The following VTI1A variants were observed in gnomAD, a reference collection of about 807,000 sequenced individuals.
VTI1A encodes the protein vesicle transport through interaction with t-SNAREs homolog 1A.
A neutral mutation model predicts 34.9 loss-of-function variants in VTI1A; 22 were observed. The observed-to-expected ratio is 0.63, with a 90% confidence interval of 0.45 to 0.90. The LOEUF (loss-of-function observed/expected upper bound fraction) is 0.90. VTI1A is among the 40% of genes least tolerant of loss of function. The probability of loss-of-function intolerance (pLI) is 0.00; values close to 1 mark genes in which losing one functional copy is unlikely to be tolerated. For synonymous variants in VTI1A, 87 were observed against 97.3 expected (o/e 0.89, Z 0.62); for missense variants, 268 against 275.6 (o/e 0.97, Z 0.20).
At chr10:112,711,917 T>G (rs1849430702) in intron 7 of VTI1A, among the ~76,000 whole-genome samples, 1 of 152,346 alleles carries the variant, frequency 6.6e-6, no homozygotes, top group East Asian at 1.9e-4. Context: ...TATCTTAATC[T>G]GTTCTCTGTC....
chr10:112,524,391 AT>A (rs1850144165), intron 3 of VTI1A, among the ~76,000 whole-genome samples: 1 of 152,110 alleles, frequency 6.6e-6, no homozygotes, highest in African/African-American at 2.4e-5. Context: ...TCGTCTTTTC[AT>A]TCTTTAGGAA....
the VTI1A span, among the ~76,000 whole-genome samples, chr10:112,844,723 A>C: frequency 6.6e-6 from 1 of 152,208 alleles, no homozygotes; most frequent in Admixed American, 6.5e-5. Flanking sequence ...ATAATTGAAA[A>C]TCACATTGAA....
rs199838114 is a variant in VTI1A at position 112,643,164 on chromosome 10, C to T, written c.428-25054C>T. Among the ~76,000 whole-genome samples, 271 of 126,446 alleles carry T rather than the reference C, an allele frequency of 2.1e-3. 1 individual carries two copies. The highest frequency in any genetic ancestry group is 4.9e-3 in the African/African-American group (163 of 33,168). The allele number at this position is 126,446 out of a possible 152,430, so 83.0% of individuals were successfully genotyped here. ...CACACCTGGCTAATTTTTTTTTTTTCTTTTTTTTTTTTTGTAGAGACAGAG... is the reference window on the plus strand; with the variant it reads ...CACACCTGGCTAATTTTTTTTTTTTTTTTTTTTTTTTTTGTAGAGACAGAG... On this transcript the variant is annotated intron_variant, in intron 5 of 7. Coordinates refer to ENST00000393077, the MANE Select transcript of VTI1A (RefSeq NM_145206.4).
chr10:112,566,832 A>T (rs145120648), intron 5 of VTI1A, among the ~76,000 whole-genome samples: 11 of 152,278 alleles, frequency 7.2e-5, no homozygotes, highest in African/African-American at 2.6e-4. Context: ...GGAAGGGTTT[A>T]TAGAAAGTAT....
intron 5 of VTI1A, among the ~76,000 whole-genome samples, chr10:112,585,061 G>C (rs761660628): frequency 3.3e-5 from 5 of 152,172 alleles, no homozygotes; most frequent in African/African-American, 7.2e-5. Context: ...ACACAAACTA[G>C]CTTCTTTAAT....
At chr10:112,644,701 T>C (rs1846704793) in intron 5 of VTI1A, among the ~76,000 whole-genome samples, 1 of 152,192 alleles carries the variant, frequency 6.6e-6, no homozygotes, top group Admixed American at 6.5e-5. Flanking sequence ...TGTAGTGTAG[T>C]CATTACATTT....
At chr10:112,779,142 T>C (rs1442428989) in intron 7 of VTI1A, among the ~76,000 whole-genome samples, 1 of 152,204 alleles carries the variant, frequency 6.6e-6, no homozygotes, top group Non-Finnish European at 1.5e-5. Context: ...TTTTGAGTGA[T>C]ATTACCAATA....
chr10:112,724,522 C>T (rs935613184), intron 7 of VTI1A, among the ~76,000 whole-genome samples: 1 of 151,954 alleles, frequency 6.6e-6, no homozygotes, highest in African/African-American at 2.4e-5. Flanking sequence ...CAGAAAGCTG[C>T]CCTGACCTCT....
chr10:112,636,963 A>T (rs1209460877), intron 5 of VTI1A, among the ~76,000 whole-genome samples: 1 of 152,320 alleles, frequency 6.6e-6, no homozygotes, highest in East Asian at 1.9e-4. Context: ...CACATTTCTT[A>T]TGTATCAGAA....
intron 7 of VTI1A, chr10:112,737,568 G>A (rs1850534185): frequency 2.9e-6 from 3 of 1,048,904 alleles, no homozygotes; most frequent in African/African-American, 3.3e-5. Flanking sequence ...TTCCCAGGGG[G>A]CGGCAGGGAC....
chr10:112,814,818 C>T (rs1440318539), intron 7 of VTI1A, among the ~76,000 whole-genome samples: 1 of 152,144 alleles, frequency 6.6e-6, no homozygotes, highest in African/African-American at 2.4e-5. Flanking sequence ...CTTCCTTAGT[C>T]TCTGTTTTAC....
chr10:112,581,608 G>A (rs1843941450), intron 5 of VTI1A, among the ~76,000 whole-genome samples: 1 of 152,030 alleles, frequency 6.6e-6, no homozygotes, highest in South Asian at 2.1e-4. Context: ...GATAAATTAT[G>A]ATGATGATGA....
intron 5 of VTI1A, among the ~76,000 whole-genome samples, chr10:112,581,981 C>T (rs892292894): frequency 1.3e-5 from 2 of 152,200 alleles, no homozygotes; most frequent in African/African-American, 4.8e-5. Context: ...TGACTTACCT[C>T]CTTGACACAC....
At chr10:112,538,578 A>T (rs1009606799) in intron 5 of VTI1A, 7 of 397,180 alleles carry the variant, frequency 1.8e-5, no homozygotes, top group Non-Finnish European at 3.2e-5. Flanking sequence ...CTTTGTCTAA[A>T]TTCTACATTT....
At chr10:112,544,715 G>C (rs1415830311) in intron 5 of VTI1A, among the ~76,000 whole-genome samples, 1 of 152,142 alleles carries the variant, frequency 6.6e-6, no homozygotes, top group African/African-American at 2.4e-5. Context: ...ACTGAGCCTT[G>C]AATGGTACCA....
At chr10:112,571,175 A>G (rs962131570) in intron 5 of VTI1A, among the ~76,000 whole-genome samples, 1 of 152,196 alleles carries the variant, frequency 6.6e-6, no homozygotes, top group Non-Finnish European at 1.5e-5. Context: ...ATACTGCTAG[A>G]TATTAGAGAT....
chr10:112,789,214 G>A (rs138512471), intron 7 of VTI1A, among the ~76,000 whole-genome samples: 173 of 143,944 alleles, frequency 1.2e-3, no homozygotes, highest in African/African-American at 4.1e-3. Flanking sequence ...AGTATTTCTT[G>A]TACAGCAAGT....
intron 7 of VTI1A, among the ~76,000 whole-genome samples, chr10:112,701,427 C>T (rs1849005689): frequency 6.6e-6 from 1 of 152,178 alleles, no homozygotes; most frequent in Admixed American, 6.5e-5. Context: ...CAGAATTGCT[C>T]ATACAAATAT....
rs148854587 is a variant in VTI1A at position 112,483,300 on chromosome 10, C to T, written c.264+18643C>T. On this transcript the variant is annotated intron_variant, in intron 3 of 7. Transcript: ENST00000393077. ...AAAAAAAAATCCATAAAGAGCTGCT[C>T]AGCTGCAGGGTTGTCACTGCATGCA... 6.6e-3 allele frequency among the ~76,000 whole-genome samples: 999 copies of T among 152,166 alleles called. 11 individuals are homozygous for T. The highest frequency in any genetic ancestry group is 0.023 in the African/African-American group (968 of 41,516).
Sources: gnomAD v4.1 joint callset for allele counts (sites outside exome capture counted in the v4.1 genomes callset) on GRCh38, gnomAD v4.1.1 for gene constraint, MANE v1.5 for transcripts, NCBI Gene and HGNC (gene_info 2026-07-23, HGNC 2026-07-21) for gene names.